The following NRG2 variants were observed in gnomAD, a reference collection of about 807,000 sequenced individuals.
The protein encoded by NRG2 is neuregulin 2.
In NRG2, 27 loss-of-function variants were observed where a neutral mutation model predicts 73.9. That is an observed-to-expected ratio of 0.37 (90% CI 0.27 to 0.50). The LOEUF (loss-of-function observed/expected upper bound fraction) is 0.50, where lower values mean the gene tolerates loss of function less well. Among genes scored for constraint, NRG2 ranks in the 20% least tolerant of loss-of-function variants. The probability of loss-of-function intolerance (pLI) is 0.96; values close to 1 mark genes in which losing one functional copy is unlikely to be tolerated. For synonymous variants in NRG2, 532 were observed against 541.0 expected (o/e 0.98, Z 0.23); for missense variants, 1,126 against 1,210.1 (o/e 0.93, Z 1.03).
chr5:139,990,211 TATGTAAATGTCAA>T (rs1757507175), intron 1 of NRG2, among the ~76,000 whole-genome samples: 1 of 152,202 alleles, frequency 6.6e-6, no homozygotes, highest in South Asian at 2.1e-4. Flanking sequence ...CATTTTGTGG[TATGTAAATGTCAA>T]ACTTTAATTG....
At chr5:139,986,191 T>C (rs74897647) in intron 1 of NRG2, among the ~76,000 whole-genome samples, 3,675 of 152,254 alleles carry the variant, frequency 0.024, 71 homozygotes, top group African/African-American at 0.027. Flanking sequence ...ACTGAGGTAA[T>C]GGGAAGGAAT....
chr5:139,900,446 T>C (rs1764801920), intron 1 of NRG2, among the ~76,000 whole-genome samples: 2 of 152,174 alleles, frequency 1.3e-5, no homozygotes, highest in African/African-American at 4.8e-5. Context: ...GGAGGAAGAC[T>C]GGGAAAATGG....
intron 1 of NRG2, among the ~76,000 whole-genome samples, chr5:140,040,597 G>C (rs1412617917): frequency 3.3e-5 from 5 of 152,144 alleles, no homozygotes; most frequent in South Asian, 2.1e-4. Context: ...GCCCAGACTA[G>C]GGATTATGTG....
At chr5:139,974,410 C>T (rs1237542078) in intron 1 of NRG2, among the ~76,000 whole-genome samples, 1 of 152,130 alleles carries the variant, frequency 6.6e-6, no homozygotes, top group Non-Finnish European at 1.5e-5. Context: ...ACAAGCCACA[C>T]CAGTCACTTT....
At chr5:139,975,298 C>G (rs1373412544) in intron 1 of NRG2, among the ~76,000 whole-genome samples, 1 of 152,248 alleles carries the variant, frequency 6.6e-6, no homozygotes, top group Non-Finnish European at 1.5e-5. Context: ...ACTTCATGGT[C>G]AGACCCTTTT....
chr5:139,852,842 G>A lies in NRG2; in HGVS notation c.1416+62C>T. On this transcript the variant is annotated intron_variant, in intron 7 of 9. Coordinates refer to ENST00000361474, the MANE Select transcript of NRG2 (RefSeq NM_004883.3). The surrounding 1 kb of genome is among the most constrained non-coding windows in gnomAD (Gnocchi z 4.4). ...TGCTGCCCTGGCCCATCCTTGCAGG[G>A]GGCATGAGAAGGCTGGCTGTCCACT... The A allele has an allele frequency of 6.2e-7, 1 of 1,605,910 alleles. No individual in the cohort carries two copies. The highest frequency in any genetic ancestry group is 8.5e-7 in the Non-Finnish European group (1 of 1,177,930).
chr5:139,974,597 T>G (rs1291510330), intron 1 of NRG2, among the ~76,000 whole-genome samples: 1 of 151,906 alleles, frequency 6.6e-6, no homozygotes. Context: ...AAAATATAAT[T>G]TACCAATAGT....
At chr5:139,897,501 C>T (rs777155023) in intron 1 of NRG2, among the ~76,000 whole-genome samples, 8 of 152,202 alleles carry the variant, frequency 5.3e-5, no homozygotes, top group East Asian at 1.9e-4. Flanking sequence ...CGGGGCTTCT[C>T]ACCTTGGAGA....
At chr5:140,009,992 G>A (rs1759225628) in intron 1 of NRG2, among the ~76,000 whole-genome samples, 1 of 152,124 alleles carries the variant, frequency 6.6e-6, no homozygotes, top group Non-Finnish European at 1.5e-5. Flanking sequence ...AGGATTTTTA[G>A]AGCAGTCAAA....
chr5:139,963,572 AC>A (rs939580712), intron 1 of NRG2, among the ~76,000 whole-genome samples: 1 of 152,214 alleles, frequency 6.6e-6, no homozygotes, highest in Non-Finnish European at 1.5e-5. Flanking sequence ...ATTTATTCTT[AC>A]CATGTGCCAG....
intron 1 of NRG2, among the ~76,000 whole-genome samples, chr5:140,009,135 G>C (rs1175794050): frequency 6.6e-6 from 1 of 152,186 alleles, no homozygotes; most frequent in Non-Finnish European, 1.5e-5. Context: ...CATCAATAAA[G>C]TAGAAGCTCA....
Position 139,852,724 on chromosome 5 carries a change from C to T in NRG2, c.1417-165G>A, listed in dbSNP as rs899151273. Reference sequence around the variant, plus strand: ...CAGCGATGGCTCCAGCAAATCAACCCCCACCCCTTCCTCATGGAAGTGAGC... The same window carrying T: ...CAGCGATGGCTCCAGCAAATCAACCTCCACCCCTTCCTCATGGAAGTGAGC... On this transcript the variant is annotated intron_variant, in intron 7 of 9. Coordinates refer to ENST00000361474, the MANE Select transcript of NRG2 (RefSeq NM_004883.3). The surrounding 1 kb of genome is among the most constrained non-coding windows in gnomAD (Gnocchi z 4.4). Among the ~76,000 whole-genome samples, 5 of 152,184 alleles carry T rather than the reference C, an allele frequency of 3.3e-5. No homozygotes were observed. The highest frequency in any genetic ancestry group is 1.2e-4 in the African/African-American group (5 of 41,434).
intron 1 of NRG2, among the ~76,000 whole-genome samples, chr5:139,956,866 C>T (rs1035474647): frequency 2.6e-5 from 4 of 152,188 alleles, no homozygotes; most frequent in South Asian, 2.1e-4. Flanking sequence ...TCCCCAGCTT[C>T]GTGGTACAGT....
chr5:139,853,429 G>C lies in NRG2; in HGVS notation c.1293-402C>G, dbSNP rs148726788. Among the ~76,000 whole-genome samples, 6 of 152,100 alleles carry C rather than the reference G, an allele frequency of 3.9e-5. No homozygotes were observed. The highest frequency in any genetic ancestry group is 1.4e-4 in the African/African-American group (6 of 41,382). On this transcript the variant is annotated intron_variant, in intron 6 of 9. Transcript: ENST00000361474. The surrounding 1 kb of genome is among the most constrained non-coding windows in gnomAD (Gnocchi z 4.1). ...TCTCTCTCCCTCATTCATTAATTTGGTATGTATTGAGTTATCACTATGTGC... is the reference window on the plus strand; with the variant it reads ...TCTCTCTCCCTCATTCATTAATTTGCTATGTATTGAGTTATCACTATGTGC...
At chr5:139,903,763 G>A (rs1765033438) in intron 1 of NRG2, among the ~76,000 whole-genome samples, 2 of 152,258 alleles carry the variant, frequency 1.3e-5, no homozygotes, top group African/African-American at 4.8e-5. Context: ...TCTCTCTGGG[G>A]TTCGCGAGCG....
chr5:140,009,800 T>C (rs1002679892), intron 1 of NRG2, among the ~76,000 whole-genome samples: 6 of 152,140 alleles, frequency 3.9e-5, no homozygotes, highest in Non-Finnish European at 8.8e-5. Context: ...TATCAACCCA[T>C]GAAAAGACGT....
intron 1 of NRG2, among the ~76,000 whole-genome samples, chr5:140,025,945 G>T (rs1760650704): frequency 6.6e-6 from 1 of 152,128 alleles, no homozygotes; most frequent in Admixed American, 6.5e-5. Context: ...TTACAGAAGA[G>T]CAATGAACTG....
chr5:139,992,646 G>T (rs1300730150), intron 1 of NRG2, among the ~76,000 whole-genome samples: 1 of 152,040 alleles, frequency 6.6e-6, no homozygotes, highest in African/African-American at 2.4e-5. Context: ...TTGTCGATTA[G>T]AAAAAACCTT....
chr5:140,002,493 C>T (rs1185910727), intron 1 of NRG2, among the ~76,000 whole-genome samples: 2 of 152,048 alleles, frequency 1.3e-5, no homozygotes, highest in Non-Finnish European at 2.9e-5. Context: ...TAAGCATATT[C>T]CAAGTAGAGT....
Sources: gnomAD v4.1 joint callset for allele counts (sites outside exome capture counted in the v4.1 genomes callset) on GRCh38, gnomAD v4.1.1 for gene constraint, Gnocchi (gnomAD v3.1) non-coding constraint, MANE v1.5 for transcripts, NCBI Gene and HGNC (gene_info 2026-07-23, HGNC 2026-07-21) for gene names.